Variants in CFAP299 observed in about 807,000 individuals in gnomAD.
CFAP299 encodes cilia and flagella associated protein 299, also known as cilia- and flagella-associated protein 299.
A neutral mutation model predicts 27.0 loss-of-function variants in CFAP299; 21 were observed. That is an observed-to-expected ratio of 0.78 (90% CI 0.55 to 1.12). The LOEUF is 1.12. CFAP299 is among the 50% of genes most tolerant of loss of function. The pLI is 0.00. For missense variants in CFAP299, 310 were observed against 276.6 expected (o/e 1.12, Z -0.86); for synonymous variants, 104 against 98.1 (o/e 1.06, Z -0.36).
intron 3 of CFAP299, among the ~76,000 whole-genome samples, chr4:80,774,686 T>G (rs1348528915): frequency 6.6e-6 from 1 of 152,030 alleles, no homozygotes; most frequent in South Asian, 2.1e-4. Context: ...CCATTTAATA[T>G]ACACTGTTGG....
intron 4 of CFAP299, among the ~76,000 whole-genome samples, chr4:80,919,720 A>G (rs916986833): frequency 2.0e-5 from 3 of 152,164 alleles, no homozygotes; most frequent in Non-Finnish European, 4.4e-5. Context: ...AAAATGAAAT[A>G]CATTAAGTGT....
chr4:80,527,232 AC>A (rs1219806427), intron 2 of CFAP299, among the ~76,000 whole-genome samples: 1 of 152,134 alleles, frequency 6.6e-6, no homozygotes, highest in African/African-American at 2.4e-5. Context: ...CTGGGGACTT[AC>A]CGGCTAGTAT....
chr4:80,908,620 T>C (rs145819467), intron 4 of CFAP299, among the ~76,000 whole-genome samples: 63 of 152,338 alleles, frequency 4.1e-4, no homozygotes, highest in Admixed American at 8.5e-4. Context: ...TGTTTCTCAT[T>C]ATATCTCAGA....
intron 3 of CFAP299, among the ~76,000 whole-genome samples, chr4:80,670,751 A>C (rs1313988588): frequency 1.3e-5 from 2 of 152,070 alleles, no homozygotes; most frequent in Non-Finnish European, 2.9e-5. Context: ...GATGATGAGC[A>C]TTTTTTCATG....
chr4:80,714,665 AG>A (rs1392481463), intron 3 of CFAP299, among the ~76,000 whole-genome samples: 2 of 152,042 alleles, frequency 1.3e-5, no homozygotes, highest in Non-Finnish European at 2.9e-5. Flanking sequence ...GCAGTAATTT[AG>A]TTTTTTAGTT....
intron 3 of CFAP299, among the ~76,000 whole-genome samples, chr4:80,813,921 A>G (rs1729289887): frequency 6.6e-6 from 1 of 151,742 alleles, no homozygotes; most frequent in African/African-American, 2.4e-5. Context: ...TGTTTCATCT[A>G]TTTTCTGTAT....
At chr4:80,386,505 G>T in intron 2 of CFAP299, 14 of 1,442,100 alleles carry the variant, frequency 9.7e-6, no homozygotes, top group Non-Finnish European at 1.2e-5. Flanking sequence ...CTTCTCGCGG[G>T]CGGTGGTGGG....
At chr4:80,323,429 T>C in the CFAP299 span, among the ~76,000 whole-genome samples, 3 of 152,228 alleles carry the variant, frequency 2.0e-5, no homozygotes, top group Non-Finnish European at 4.4e-5. Context: ...AGAATTAGAA[T>C]TGAACCTTGA....
At chr4:80,800,290 T>TA (rs1728371298) in intron 3 of CFAP299, among the ~76,000 whole-genome samples, 1 of 73,516 alleles carries the variant, frequency 1.4e-5, no homozygotes, top group African/African-American at 5.8e-5. Flanking sequence ...ATATAATATA[T>TA]TAATATATAT....
chr4:80,812,974 C>T (rs1729231184), intron 3 of CFAP299, among the ~76,000 whole-genome samples: 1 of 151,978 alleles, frequency 6.6e-6, no homozygotes, highest in African/African-American at 2.4e-5. Context: ...GTTATTTTTT[C>T]ATTACAGCAT....
intron 3 of CFAP299, among the ~76,000 whole-genome samples, chr4:80,641,847 T>A (rs1266134298): frequency 6.6e-6 from 1 of 152,174 alleles, no homozygotes; most frequent in East Asian, 1.9e-4. Flanking sequence ...ATAGATGGGA[T>A]ATGGAAAATC....
chr4:80,741,164 A>G (rs963202796), intron 3 of CFAP299, among the ~76,000 whole-genome samples: 2 of 147,860 alleles, frequency 1.4e-5, no homozygotes, highest in African/African-American at 5.3e-5. Context: ...ACTCCTGAAC[A>G]GAGCATGTCT....
At chr4:80,371,161 G>A (rs1724129794) in intron 2 of CFAP299, among the ~76,000 whole-genome samples, 1 of 152,202 alleles carries the variant, frequency 6.6e-6, no homozygotes, top group African/African-American at 2.4e-5. Context: ...TTATACCTGA[G>A]CCCCTTTGAG....
intron 2 of CFAP299, among the ~76,000 whole-genome samples, chr4:80,439,509 A>T (rs1022237964): frequency 6.6e-6 from 1 of 152,198 alleles, no homozygotes; most frequent in South Asian, 2.1e-4. Flanking sequence ...ATGGTGCTAT[A>T]CGGCCCAGAT....
intron 3 of CFAP299, among the ~76,000 whole-genome samples, chr4:80,640,203 G>A (rs1354371242): frequency 6.6e-6 from 1 of 152,176 alleles, no homozygotes; most frequent in African/African-American, 2.4e-5. Context: ...CTGCCCAGGA[G>A]TTATGGCTAT....
chr4:80,852,585 A>G (rs1397756638), intron 3 of CFAP299, among the ~76,000 whole-genome samples: 3 of 152,240 alleles, frequency 2.0e-5, no homozygotes, highest in African/African-American at 7.2e-5. Flanking sequence ...AGGAAGCATT[A>G]TTAATTTACG....
At chr4:80,490,627 T>C (rs1187860584) in intron 2 of CFAP299, among the ~76,000 whole-genome samples, 1 of 152,244 alleles carries the variant, frequency 6.6e-6, no homozygotes, top group African/African-American at 2.4e-5. Flanking sequence ...TTACATATTC[T>C]TACAGAAATA....
chr4:80,589,315 T>C (rs1307765789), intron 3 of CFAP299, among the ~76,000 whole-genome samples: 2 of 152,154 alleles, frequency 1.3e-5, no homozygotes, highest in South Asian at 2.1e-4. Flanking sequence ...TCATTAACCA[T>C]TGAGCCCCCA....
chr4:80,903,945 T>C (rs1735059246), intron 4 of CFAP299, among the ~76,000 whole-genome samples: 2 of 152,204 alleles, frequency 1.3e-5, no homozygotes, highest in South Asian at 2.1e-4. Flanking sequence ...TCAAGACATA[T>C]GCACTTAATA....
Sources: allele counts gnomAD v4.1 joint callset (sites outside exome capture counted in the v4.1 genomes callset), GRCh38; gene constraint gnomAD v4.1.1; transcripts MANE v1.5; gene names NCBI Gene and HGNC (gene_info 2026-07-23, HGNC 2026-07-21).